Variants in DGCR2 observed in about 807,000 individuals in gnomAD.
DGCR2 encodes the protein DiGeorge syndrome critical region gene 2.
Under a neutral mutation model 51.6 loss-of-function variants are expected in DGCR2, and 24 were observed. The observed-to-expected ratio is 0.47, with a 90% CI of 0.34 to 0.65. DGCR2 has a LOEUF of 0.65. Ranked by LOEUF, DGCR2 falls within the 30% of genes least tolerant of loss-of-function variation. DGCR2 has a pLI of 0.01. For missense variants in DGCR2, 765 were observed against 772.1 expected (o/e 0.99, Z 0.11); for synonymous variants, 340 against 315.4 (o/e 1.08, Z -0.82).
chr22:19,085,281 C>T (rs1190485450), intron 2 of DGCR2, among the ~76,000 whole-genome samples: 1 of 152,170 alleles, frequency 6.6e-6, no homozygotes, highest in African/African-American at 2.4e-5. Flanking sequence ...CAGTCATTGT[C>T]AAGAGTCAGG....
At chr22:19,044,540 C>T (rs1252462074) in intron 7 of DGCR2, among the ~76,000 whole-genome samples, 8 of 151,960 alleles carry the variant, frequency 5.3e-5, no homozygotes, top group African/African-American at 1.7e-4. Flanking sequence ...AGCCAAACAC[C>T]TCACCATGCC....
intron 2 of DGCR2, among the ~76,000 whole-genome samples, chr22:19,081,035 ATTTC>A (rs2082930550): frequency 6.6e-6 from 1 of 152,080 alleles, no homozygotes; most frequent in South Asian, 2.1e-4. Flanking sequence ...CAAACTGCTT[ATTTC>A]TTGTTGTTCT....
At chr22:19,067,978 C>T in intron 3 of DGCR2, 122 bp downstream of exon 3, 1 of 1,341,448 alleles carries the variant, frequency 7.5e-7, no homozygotes, top group Admixed American at 2.9e-5. Flanking sequence ...ATTCATTCCC[C>T]TCACTGGCCT....
At chr22:19,101,594 A>G (rs929375558) in intron 1 of DGCR2, among the ~76,000 whole-genome samples, 1 of 152,140 alleles carries the variant, frequency 6.6e-6, no homozygotes, top group African/African-American at 2.4e-5. Context: ...TACAAAAGTT[A>G]GCTGGGCGTG....
intron 5 of DGCR2, 96 bp downstream of exon 5, chr22:19,063,106 G>A (rs1167350438): frequency 2.2e-5 from 27 of 1,207,990 alleles, no homozygotes; most frequent in South Asian, 2.6e-5. Context: ...GCACCCCTAC[G>A]GGCCAGGCAG....
chr22:19,100,317 G>T (rs1601289033), intron 1 of DGCR2, among the ~76,000 whole-genome samples: 1 of 152,030 alleles, frequency 6.6e-6, no homozygotes, highest in Non-Finnish European at 1.5e-5. Context: ...GCTTTACAAG[G>T]TCCTGTCCCA....
intron 2 of DGCR2, among the ~76,000 whole-genome samples, chr22:19,076,747 T>G (rs1270911235): frequency 1.4e-5 from 2 of 146,448 alleles, no homozygotes; most frequent in Non-Finnish European, 3.0e-5. Context: ...TTTTTTTTTT[T>G]TGAGATGGAG....
At chr22:19,071,732 G>T (rs948648432) in intron 2 of DGCR2, among the ~76,000 whole-genome samples, 11 of 152,174 alleles carry the variant, frequency 7.2e-5, no homozygotes, top group Non-Finnish European at 1.0e-4. Context: ...GGATGTTCTG[G>T]GGATAATGAA....
intron 6 of DGCR2, among the ~76,000 whole-genome samples, chr22:19,055,446 G>T (rs2082591034): frequency 6.6e-6 from 1 of 152,144 alleles, no homozygotes; most frequent in African/African-American, 2.4e-5. Context: ...AAGTTGAGAA[G>T]ACAAGAATGC....
chr22:19,045,131 T>C (rs2082474710), intron 7 of DGCR2: 2 of 152,246 alleles, frequency 1.3e-5, no homozygotes, highest in Admixed American at 6.5e-5. Context: ...AAATTTTACA[T>C]ACAGTAGGAG....
rs780687824 is a variant in DGCR2, at chr22:19,065,048, C to T, written c.348G>A (p.Pro116=). Reference sequence around the variant, plus strand: ...TGCCTTCGTAGTGGTGCCACCCTGTCGGGCACTTCCCTAGGAAACATAAAG... The same window carrying T: ...TGCCTTCGTAGTGGTGCCACCCTGTTGGGCACTTCCCTAGGAAACATAAAG... ...VRFSSFLGKC[P]TGWHHYEGTA... Residue 116 remains proline (P), a synonymous_variant, in exon 4 of 10, where the codon CCG becomes CCA. Transcript: ENST00000263196. The T allele has an allele frequency of 7.9e-5, 127 of 1,613,774 alleles. 1 individual carries two copies. Among genetic ancestry groups the T allele is most frequent in the East Asian group, 4.9e-4 (22 of 44,882 alleles).
intron 5 of DGCR2, among the ~76,000 whole-genome samples, chr22:19,059,596 G>T (rs2082638444): frequency 6.6e-6 from 1 of 152,026 alleles, no homozygotes. Context: ...CTCCCTCCAA[G>T]ACACTACTCC....
At chr22:19,040,337 C>A (rs2082417112) in intron 9 of DGCR2, among the ~76,000 whole-genome samples, 1 of 152,190 alleles carries the variant, frequency 6.6e-6, no homozygotes, top group Admixed American at 6.5e-5. Context: ...CCTCACAATG[C>A]CCATTCTGCC....
At chr22:19,042,632 G>C (rs1243566675) in intron 7 of DGCR2, among the ~76,000 whole-genome samples, 2 of 152,210 alleles carry the variant, frequency 1.3e-5, no homozygotes, top group Non-Finnish European at 2.9e-5. Context: ...GTAGCATAGG[G>C]CATCAGGAAG....
At chr22:19,066,439 A>T (rs999662260) in intron 3 of DGCR2, among the ~76,000 whole-genome samples, 3 of 152,100 alleles carry the variant, frequency 2.0e-5, no homozygotes, top group Admixed American at 1.3e-4. Flanking sequence ...CAAACAAAAA[A>T]AAACAAAACA....
chr22:19,064,983 T>C lies in DGCR2; in HGVS notation c.413A>G (p.Tyr138Cys). 6 of 1,614,038 alleles carry C rather than the reference T, an allele frequency of 3.7e-6. No homozygotes were observed. The highest frequency in any genetic ancestry group is 5.1e-6 in the Non-Finnish European group (6 of 1,180,042). The change falls in exon 4 of 10, where the codon TAC becomes TGC. Residue 138 changes from tyrosine (Y) to cysteine (C), a missense_variant. Coordinates refer to ENST00000263196, the MANE Select transcript of DGCR2 (RefSeq NM_005137.3). ...CTGGCAGGTCTGCGCGGCATCCCAG[T>C]AGTTCTCCCCGCTCAGGTAGACCCG... is the stretch of plus-strand genomic sequence containing the variant. ...CYRVYLSGEN[Y>C]WDAAQTCQRL...
intron 5 of DGCR2, among the ~76,000 whole-genome samples, chr22:19,062,775 G>GCTGTCTCTGTCTCT (rs2082686000): frequency 9.2e-6 from 1 of 108,860 alleles, no homozygotes; most frequent in Non-Finnish European, 1.9e-5. Flanking sequence ...ACACATGCAT[G>GCTGTCTCTGTCTCT]CTCACTCTCT....
intron 6 of DGCR2, among the ~76,000 whole-genome samples, chr22:19,053,349 C>CA (rs1418285230): frequency 1.3e-5 from 2 of 152,188 alleles, no homozygotes; most frequent in Non-Finnish European, 2.9e-5. Context: ...CTGCAAAAGA[C>CA]AGACTCTAGA....
intron 6 of DGCR2, among the ~76,000 whole-genome samples, chr22:19,052,331 G>A (rs1433340371): frequency 2.0e-5 from 3 of 151,426 alleles, no homozygotes; most frequent in East Asian, 1.9e-4. Context: ...CATGCGAATC[G>A]CTTGAACCCA....
Sources: allele counts gnomAD v4.1 joint callset (sites outside exome capture counted in the v4.1 genomes callset), GRCh38; gene constraint gnomAD v4.1.1; transcripts MANE v1.5; gene names NCBI Gene and HGNC (gene_info 2026-07-23, HGNC 2026-07-21).